DIS3L2: variants seen among roughly 807,000 people sequenced by gnomAD.
DIS3L2 encodes the protein DIS3-like exonuclease 2.
DIS3L2 carries 34 observed loss-of-function variants against 97.5 expected under a neutral mutation model. The ratio of observed to expected loss-of-function variants is 0.35; its 90% CI spans 0.27 to 0.46. The LOEUF (loss-of-function observed/expected upper bound fraction) is 0.46, where lower values mean the gene tolerates loss of function less well. Ranked by LOEUF, DIS3L2 falls within the 20% of genes least tolerant of loss-of-function variation. The pLI is 1.00. For synonymous variants in DIS3L2, 435 were observed against 445.2 expected, an observed-to-expected ratio of 0.98 and a Z score of 0.29; for missense variants, 1,038 against 1,146.0, an observed-to-expected ratio of 0.91 and a Z score of 1.36.
chr2:232,213,801 A>ATGTACTCCCAGGACT (rs947976724), intron 10 of DIS3L2, among the ~76,000 whole-genome samples: 3 of 151,566 alleles, frequency 2.0e-5, no homozygotes, highest in African/African-American at 7.3e-5. Context: ...TAGAGTTCAG[A>ATGTACTCCCAGGACT]TGTACTCCCA....
chr2:232,018,624 T>A (rs957824657), intron 3 of DIS3L2, among the ~76,000 whole-genome samples: 1 of 152,194 alleles, frequency 6.6e-6, no homozygotes, highest in Non-Finnish European at 1.5e-5. Flanking sequence ...TTGTTAACTT[T>A]AGTATTCAAA....
chr2:232,335,535 C>T (rs1186124464), intron 19 of DIS3L2: 4 of 552,964 alleles, frequency 7.2e-6, no homozygotes, highest in Non-Finnish European at 9.8e-6. Context: ...CCACTTGCCC[C>T]CCATAGCACA....
chr2:232,000,878 T>G (rs1429795873), intron 1 of DIS3L2, among the ~76,000 whole-genome samples: 2 of 151,490 alleles, frequency 1.3e-5, no homozygotes, highest in Non-Finnish European at 1.5e-5. Context: ...CCTTTTTTTT[T>G]TGTTTGTTTG....
At chr2:232,176,491 G>C (rs967688839) in intron 9 of DIS3L2, among the ~76,000 whole-genome samples, 1 of 148,372 alleles carries the variant, frequency 6.7e-6, no homozygotes, top group African/African-American at 2.5e-5. Context: ...TCTAATCTTT[G>C]TTATTTTCTT....
intron 3 of DIS3L2, among the ~76,000 whole-genome samples, chr2:232,020,160 T>A (rs1694472622): frequency 6.6e-6 from 1 of 152,106 alleles, no homozygotes; most frequent in South Asian, 2.1e-4. Context: ...AGCCAAGTCA[T>A]GTAGGGTCTC....
At chr2:231,978,499 C>T (rs747405397) in intron 1 of DIS3L2, 5 of 152,272 alleles carry the variant, frequency 3.3e-5, no homozygotes, top group Non-Finnish European at 4.4e-5. Context: ...TCCACATAGA[C>T]GTATAAGTTT....
chr2:232,191,749 T>C (rs776107509), intron 9 of DIS3L2, among the ~76,000 whole-genome samples: 2 of 152,250 alleles, frequency 1.3e-5, no homozygotes, highest in Non-Finnish European at 2.9e-5. Context: ...CAAATTGTGA[T>C]TGTTTAAACA....
intron 14 of DIS3L2, among the ~76,000 whole-genome samples, chr2:232,313,548 G>GT (rs1472615641): frequency 6.6e-6 from 1 of 152,120 alleles, no homozygotes; most frequent in East Asian, 1.9e-4. Context: ...AATATTGAAC[G>GT]TGAACCCACG....
intron 6 of DIS3L2, among the ~76,000 whole-genome samples, chr2:232,099,592 A>T (rs1232650558): frequency 6.6e-6 from 1 of 152,226 alleles, no homozygotes; most frequent in Non-Finnish European, 1.5e-5. Context: ...CAAGATTATA[A>T]TAAATTAATG....
chr2:232,086,408 C>T (rs1332694417), intron 5 of DIS3L2, among the ~76,000 whole-genome samples: 6 of 142,186 alleles, frequency 4.2e-5, no homozygotes, highest in Non-Finnish European at 9.3e-5. Flanking sequence ...TGTATATATA[C>T]ATATACATGC....
At chr2:232,160,081 TCTCATTAATCCTTTG>T (rs1443094306) in intron 8 of DIS3L2, among the ~76,000 whole-genome samples, 1 of 152,198 alleles carries the variant, frequency 6.6e-6, no homozygotes. Flanking sequence ...GAGGTATTGA[TCTCATTAATCCTTTG>T]GTTTTGATAT....
At chr2:232,189,860 T>A (rs1274978289) in intron 9 of DIS3L2, among the ~76,000 whole-genome samples, 1 of 152,206 alleles carries the variant, frequency 6.6e-6, no homozygotes, top group East Asian at 1.9e-4. Context: ...TTCTTATACT[T>A]GCATTTTAAT....
At chr2:232,148,839 T>C (rs1470584474) in intron 8 of DIS3L2, among the ~76,000 whole-genome samples, 1 of 149,370 alleles carries the variant, frequency 6.7e-6, no homozygotes, top group African/African-American at 2.5e-5. Context: ...CTTTCCTTTG[T>C]AGCCATTTAA....
At chr2:232,128,847 T>G (rs1173250188) in intron 6 of DIS3L2, among the ~76,000 whole-genome samples, 19 of 152,176 alleles carry the variant, frequency 1.2e-4, no homozygotes, top group Admixed American at 1.2e-3. Context: ...TTTCTTTATA[T>G]CCATTGACTG....
chr2:232,167,884 A>C (rs1005625835), intron 9 of DIS3L2, among the ~76,000 whole-genome samples: 2 of 151,908 alleles, frequency 1.3e-5, no homozygotes, highest in African/African-American at 2.4e-5. Flanking sequence ...ACCCTGTCTC[A>C]CTAAAAATAC....
chr2:232,232,812 C>A (rs1427526885), intron 10 of DIS3L2, among the ~76,000 whole-genome samples: 4 of 152,102 alleles, frequency 2.6e-5, no homozygotes, highest in Non-Finnish European at 5.9e-5. Flanking sequence ...AGGTTTGAAT[C>A]CCTGGAAGTA....
At chr2:232,224,232 A>G (rs561561764) in intron 10 of DIS3L2, among the ~76,000 whole-genome samples, 17 of 152,378 alleles carry the variant, frequency 1.1e-4, no homozygotes, top group African/African-American at 3.4e-4. Context: ...CAAAGATGTT[A>G]CTGCTGTGTA....
chr2:232,213,321 C>G (rs1368326696), intron 10 of DIS3L2, among the ~76,000 whole-genome samples: 1 of 152,170 alleles, frequency 6.6e-6, no homozygotes, highest in Non-Finnish European at 1.5e-5. Flanking sequence ...TACCTTCCAT[C>G]CACTTAGTTT....
chr2:232,111,371 CT>C (rs1291201976), intron 6 of DIS3L2: 5 of 416,052 alleles, frequency 1.2e-5, no homozygotes, highest in Admixed American at 1.1e-4. Flanking sequence ...GTTTGCTTCC[CT>C]TTTCCCTTTC....
Sources: allele counts gnomAD v4.1 joint callset (sites outside exome capture counted in the v4.1 genomes callset), GRCh38; gene constraint gnomAD v4.1.1; transcripts MANE v1.5; gene names NCBI Gene and HGNC (gene_info 2026-07-23, HGNC 2026-07-21).